The following ETFA variants were observed in gnomAD, a reference collection of about 807,000 sequenced individuals.
ETFA encodes electron transfer flavoprotein subunit alpha, mitochondrial.
ETFA carries 22 observed loss-of-function variants against 46.2 expected under a neutral mutation model. The observed-to-expected ratio is 0.48, with a 90% CI of 0.34 to 0.68. ETFA has a LOEUF of 0.68. ETFA is among the 30% of genes least tolerant of loss of function. ETFA has a pLI of 0.01. For synonymous variants in ETFA, 131 were observed against 139.9 expected, an observed-to-expected ratio of 0.94 and a Z score of 0.45; for missense variants, 345 against 401.1, an observed-to-expected ratio of 0.86 and a Z score of 1.19.
chr15:76,256,182 C>T (rs1427874025), intron 9 of ETFA, among the ~76,000 whole-genome samples: 1 of 148,054 alleles, frequency 6.8e-6, no homozygotes, highest in African/African-American at 2.5e-5. Context: ...CACTTGAACC[C>T]GGGAGGTGGA....
At chr15:76,259,054 T>A (rs1246204795) in intron 9 of ETFA, 1 of 1,604,128 alleles carries the variant, frequency 6.2e-7, no homozygotes, top group African/African-American at 1.3e-5. Flanking sequence ...TTGAGGGGAC[T>A]CTCTGGCTGG....
At chr15:76,306,708 G>A (rs2039944002) in intron 1 of ETFA, among the ~76,000 whole-genome samples, 1 of 152,022 alleles carries the variant, frequency 6.6e-6, no homozygotes, top group African/African-American at 2.4e-5. Flanking sequence ...GTATATTTCT[G>A]TACTTTAAAT....
intron 4 of ETFA, among the ~76,000 whole-genome samples, chr15:76,291,070 G>T (rs1055110796): frequency 6.6e-6 from 1 of 152,110 alleles, no homozygotes; most frequent in African/African-American, 2.4e-5. Context: ...TTGAAAATTA[G>T]CTGGGCATGG....
At chr15:76,259,672 G>T in intron 9 of ETFA, 1 of 1,014,706 alleles carries the variant, frequency 9.9e-7, no homozygotes, top group Non-Finnish European at 1.6e-6. Flanking sequence ...TAGCCCCGCT[G>T]TAGATCTTCC....
chr15:76,243,535 C>T (rs1215275923), intron 9 of ETFA, among the ~76,000 whole-genome samples: 7 of 149,686 alleles, frequency 4.7e-5, no homozygotes, highest in South Asian at 2.3e-4. Flanking sequence ...CAGTAGCTCA[C>T]GCCAGTAATC....
intron 5 of ETFA, 112 bp downstream of exon 5, chr15:76,287,734 T>C (rs2039716119): frequency 2.5e-6 from 2 of 815,940 alleles, no homozygotes; most frequent in African/African-American, 1.7e-5. Context: ...ACCTTTAAGA[T>C]GGTCCACTTA....
At chr15:76,306,077 T>C (rs1567222663) in intron 1 of ETFA, among the ~76,000 whole-genome samples, 1 of 151,898 alleles carries the variant, frequency 6.6e-6, no homozygotes, top group Admixed American at 6.6e-5. Flanking sequence ...TGACTTGAAC[T>C]GTATATTCAC....
At chr15:76,249,808 C>T (rs912116010) in intron 9 of ETFA, among the ~76,000 whole-genome samples, 1 of 152,136 alleles carries the variant, frequency 6.6e-6, no homozygotes, top group Non-Finnish European at 1.5e-5. Flanking sequence ...CAACCATCAC[C>T]ACCCATCTTC....
intron 9 of ETFA, among the ~76,000 whole-genome samples, chr15:76,269,355 C>T (rs985157303): frequency 6.6e-6 from 1 of 152,200 alleles, no homozygotes; most frequent in Non-Finnish European, 1.5e-5. Context: ...GCCTTTGGAA[C>T]ATGTCTAAAC....
chr15:76,220,348 G>T (rs1013588147), intron 11 of ETFA, among the ~76,000 whole-genome samples: 1 of 152,242 alleles, frequency 6.6e-6, no homozygotes. Context: ...TTACAGGTGT[G>T]AGTCACCATG....
intron 11 of ETFA, among the ~76,000 whole-genome samples, chr15:76,223,993 ATTAC>A (rs2038981620): frequency 6.6e-6 from 1 of 152,256 alleles, no homozygotes; most frequent in African/African-American, 2.4e-5. Context: ...ATGTAACAAA[ATTAC>A]TTACAAGTTT....
intron 11 of ETFA, 76 bp from the exon 12 acceptor site, chr15:76,216,673 A>G (rs1170833441): frequency 3.1e-6 from 3 of 955,798 alleles, no homozygotes; most frequent in Admixed American, 3.5e-5. Flanking sequence ...TAAGCATTAC[A>G]GGGAGGCCAA....
chr15:76,288,920 C>CTTCTTT (rs1225461781), intron 4 of ETFA, among the ~76,000 whole-genome samples: 160 of 110,094 alleles, frequency 1.5e-3, no homozygotes, highest in South Asian at 2.2e-3. Context: ...TCTTCTTCTT[C>CTTCTTT]TTTTTTTTTT....
intron 9 of ETFA, among the ~76,000 whole-genome samples, chr15:76,264,455 G>C (rs1211638031): frequency 6.6e-6 from 1 of 152,166 alleles, no homozygotes; most frequent in African/African-American, 2.4e-5. Flanking sequence ...GTGTGCTTAT[G>C]GGCATGGGAA....
At chr15:76,244,842 T>C (rs1364660323) in intron 9 of ETFA, among the ~76,000 whole-genome samples, 1 of 152,198 alleles carries the variant, frequency 6.6e-6, no homozygotes, top group East Asian at 1.9e-4. Flanking sequence ...TCATTATTGG[T>C]GGCATGCTTT....
At chr15:76,311,271 G>A (rs2039995055) in intron 1 of ETFA, 79 bp downstream of exon 1, 4 of 1,404,892 alleles carry the variant, frequency 2.8e-6, no homozygotes, top group Non-Finnish European at 3.8e-6. Context: ...GAGGGGGCCA[G>A]TGATCTTTGC....
intron 9 of ETFA, among the ~76,000 whole-genome samples, chr15:76,265,252 A>G (rs917393895): frequency 3.3e-5 from 5 of 152,228 alleles, no homozygotes; most frequent in African/African-American, 9.6e-5. Context: ...GCATATGGGA[A>G]TAATTGACTC....
intron 8 of ETFA, among the ~76,000 whole-genome samples, chr15:76,282,313 T>A (rs1188523743): frequency 1.3e-5 from 2 of 151,936 alleles, no homozygotes; most frequent in Non-Finnish European, 2.9e-5. Flanking sequence ...CCCAGGGATA[T>A]CAGAGTAGCC....
intron 11 of ETFA, among the ~76,000 whole-genome samples, chr15:76,220,145 C>T (rs995214653): frequency 6.6e-6 from 1 of 152,198 alleles, no homozygotes; most frequent in Non-Finnish European, 1.5e-5. Flanking sequence ...CTCACTGCAA[C>T]TTCTGCCTCC....
Sources: gnomAD v4.1 joint callset for allele counts (sites outside exome capture counted in the v4.1 genomes callset) on GRCh38, gnomAD v4.1.1 for gene constraint, MANE v1.5 for transcripts, NCBI Gene and HGNC (gene_info 2026-07-23, HGNC 2026-07-21) for gene names.